Variants in SLC35F1 observed in about 807,000 individuals in gnomAD.
SLC35F1 encodes solute carrier family 35 member F1, also known as chromosome 6 open reading frame 169.
In SLC35F1, 14 loss-of-function variants were observed where a neutral mutation model predicts 48.7. The ratio of observed to expected loss-of-function variants is 0.29; its 90% CI spans 0.19 to 0.45. The LOEUF (loss-of-function observed/expected upper bound fraction) is 0.45. Among genes scored for constraint, SLC35F1 ranks in the 20% least tolerant of loss-of-function variants. The pLI is 1.00. For missense variants in SLC35F1, 404 were observed against 500.0 expected, an observed-to-expected ratio of 0.81 and a Z score of 1.83; for synonymous variants, 190 against 202.2, an observed-to-expected ratio of 0.94 and a Z score of 0.51.
Position 117,952,627 on chromosome 6 carries a change from C to T in SLC35F1, c.173+44728C>T, listed in dbSNP as rs112630998. 7.2e-3 allele frequency among the ~76,000 whole-genome samples: 1,097 copies of T among 152,178 alleles called. 15 individuals are homozygous for T. Among genetic ancestry groups the T allele is most frequent in the African/African-American group, 0.025 (1,039 of 41,496 alleles). ...AGCAACTGTCAATATTTCTTTTCCC[C>T]GTGGTGTACATCAAACTCGAGACTG... On this transcript the variant is annotated intron_variant, in intron 1 of 7. Transcript: ENST00000360388.
intron 3 of SLC35F1, among the ~76,000 whole-genome samples, chr6:118,236,127 C>CT (rs1184048729): frequency 6.6e-6 from 1 of 151,960 alleles, no homozygotes; most frequent in African/African-American, 2.4e-5. Flanking sequence ...AATTTGCAAC[C>CT]TGAAGGGACA....
chr6:118,287,820 A>C (rs1278845771), intron 7 of SLC35F1, among the ~76,000 whole-genome samples: 1 of 152,192 alleles, frequency 6.6e-6, no homozygotes, highest in Non-Finnish European at 1.5e-5. Flanking sequence ...ATTCTCGGCA[A>C]TCTATCCTCT....
chr6:118,158,818 C>T (rs1337552347), intron 2 of SLC35F1, among the ~76,000 whole-genome samples: 1 of 152,194 alleles, frequency 6.6e-6, no homozygotes, highest in Non-Finnish European at 1.5e-5. Flanking sequence ...AATTTGGGTA[C>T]TATCTTCCTT....
intron 1 of SLC35F1, among the ~76,000 whole-genome samples, chr6:117,942,389 C>A: frequency 6.6e-6 from 1 of 152,086 alleles, no homozygotes; most frequent in Non-Finnish European, 1.5e-5. Flanking sequence ...AATGTTTTGA[C>A]CCTGAGAATG....
intron 1 of SLC35F1, among the ~76,000 whole-genome samples, chr6:118,055,782 A>G (rs1772454610): frequency 6.6e-6 from 1 of 152,202 alleles, no homozygotes; most frequent in African/African-American, 2.4e-5. Context: ...TAGACAGGAG[A>G]GAGAGCCATG....
intron 1 of SLC35F1, among the ~76,000 whole-genome samples, chr6:118,015,167 A>C (rs1474381152): frequency 6.6e-6 from 1 of 152,134 alleles, no homozygotes; most frequent in African/African-American, 2.4e-5. Flanking sequence ...GCCATGTGGA[A>C]CTGTGAGTTC....
At chr6:118,218,415 G>T (rs1775102782) in intron 2 of SLC35F1, among the ~76,000 whole-genome samples, 1 of 152,090 alleles carries the variant, frequency 6.6e-6, no homozygotes, top group African/African-American at 2.4e-5. Flanking sequence ...TTTGGTGGAG[G>T]GAGGGCGGGG....
chr6:118,200,031 G>C (rs1369897598), intron 2 of SLC35F1, among the ~76,000 whole-genome samples: 1 of 152,084 alleles, frequency 6.6e-6, no homozygotes, highest in Non-Finnish European at 1.5e-5. Flanking sequence ...GGCTTGGGAA[G>C]GTGGAGAGTT....
At chr6:118,123,428 GT>G (rs5879449) in intron 1 of SLC35F1, among the ~76,000 whole-genome samples, 64,207 of 150,810 alleles carry the variant, frequency 0.43, 14,158 homozygotes, top group South Asian at 0.62. Flanking sequence ...CCAAATGATA[GT>G]TTTTTTTTTT....
chr6:117,997,916 AC>A (rs1777020663), intron 1 of SLC35F1, among the ~76,000 whole-genome samples: 1 of 152,116 alleles, frequency 6.6e-6, no homozygotes, highest in South Asian at 2.1e-4. Flanking sequence ...TCAAATTCAC[AC>A]ACAACAATAT....
Position 117,953,299 on chromosome 6 carries a change from T to C in SLC35F1, c.173+45400T>C, listed in dbSNP as rs182493013. 4.7e-4 allele frequency among the ~76,000 whole-genome samples: 71 copies of C among 152,348 alleles called. 1 individual carries two copies. The highest frequency in any genetic ancestry group is 7.3e-4 in the Non-Finnish European group (50 of 68,034). The stretch of plus-strand genomic sequence containing the variant: ...ATACCTTTACTTTCTTGTGGTTATA[T>C]GTTGACATTTTCTTACACAGTTGTC... On this transcript the variant is annotated intron_variant, in intron 1 of 7. Transcript: ENST00000360388.
At chr6:118,259,704 C>CA (rs11372368) in intron 3 of SLC35F1, among the ~76,000 whole-genome samples, 137,479 of 147,756 alleles carry the variant, frequency 0.93, 64,409 homozygotes, top group South Asian at 0.99. Flanking sequence ...TAGCAAAAAT[C>CA]AAAAAAAAAA....
intron 1 of SLC35F1, among the ~76,000 whole-genome samples, chr6:118,101,144 G>C (rs1023031077): frequency 2.0e-5 from 3 of 152,186 alleles, no homozygotes; most frequent in Non-Finnish European, 4.4e-5. Flanking sequence ...ACAGAAAGGG[G>C]AAGAATTTTC....
intron 1 of SLC35F1, among the ~76,000 whole-genome samples, chr6:117,999,950 A>G (rs1374574164): frequency 6.6e-6 from 1 of 151,980 alleles, no homozygotes; most frequent in Admixed American, 6.6e-5. Context: ...AATTGTGGCA[A>G]TAATCAATAG....
intron 2 of SLC35F1, among the ~76,000 whole-genome samples, chr6:118,214,318 G>A (rs979867810): frequency 1.3e-5 from 2 of 152,088 alleles, no homozygotes; most frequent in African/African-American, 4.8e-5. Flanking sequence ...ATATGAAATT[G>A]TTACAGTTGT....
rs150081317 is a variant in SLC35F1 at position 118,253,213 on chromosome 6, G to A, written c.478-13782G>A. ...CAATATTTGAGAGATGAGAGTAGAT[G>A]CAGGAGCCCATAAGCCAGGAACGCG... On this transcript the variant is annotated intron_variant, in intron 3 of 7. Coordinates refer to ENST00000360388, the MANE Select transcript of SLC35F1 (RefSeq NM_001029858.4). Among the ~76,000 whole-genome samples the A allele has an allele frequency of 3.3e-5, 5 of 152,206 alleles. No individual in the cohort carries two copies. The East Asian group carries it at 9.7e-4, about 29-fold the overall frequency.
chr6:118,219,221 C>T (rs1320742783), intron 2 of SLC35F1, among the ~76,000 whole-genome samples: 1 of 152,050 alleles, frequency 6.6e-6, no homozygotes, highest in Admixed American at 6.6e-5. Context: ...ACCTTAAGTT[C>T]TATGGAATAG....
At chr6:118,151,842 G>C (rs1326225931) in intron 1 of SLC35F1, among the ~76,000 whole-genome samples, 1 of 151,964 alleles carries the variant, frequency 6.6e-6, no homozygotes, top group South Asian at 2.1e-4. Context: ...GTTAATTCTG[G>C]TACTCCTTTT....
intron 7 of SLC35F1, among the ~76,000 whole-genome samples, chr6:118,290,436 C>A (rs1422217436): frequency 6.6e-6 from 1 of 151,420 alleles, no homozygotes; most frequent in Non-Finnish European, 1.5e-5. Flanking sequence ...TAACTGATAC[C>A]ACACCACTTA....
Sources: allele counts gnomAD v4.1 joint callset (sites outside exome capture counted in the v4.1 genomes callset), GRCh38; gene constraint gnomAD v4.1.1; transcripts MANE v1.5; gene names NCBI Gene and HGNC (gene_info 2026-07-23, HGNC 2026-07-21).